Variants in GLIS3 observed in about 807,000 individuals in gnomAD.
GLIS3 encodes GLIS family zinc finger 3.
Under a neutral mutation model 78.6 loss-of-function variants are expected in GLIS3, and 53 were observed. That is an observed-to-expected ratio of 0.67 (90% CI 0.54 to 0.85). The LOEUF is 0.85. Ranked by LOEUF, GLIS3 falls within the 40% of genes least tolerant of loss-of-function variation. The probability of loss-of-function intolerance (pLI) is 0.00; values close to 1 mark genes in which losing one functional copy is unlikely to be tolerated. For missense variants in GLIS3, 1,703 were observed against 1,231.1 expected (o/e 1.38, Z -5.74); for synonymous variants, 684 against 509.9 (o/e 1.34, Z -4.60).
intron 4 of GLIS3, among the ~76,000 whole-genome samples, chr9:4,102,939 G>A (rs1211780706): frequency 6.6e-6 from 1 of 151,764 alleles, no homozygotes; most frequent in Non-Finnish European, 1.5e-5. Flanking sequence ...GTGTTGGAAA[G>A]ACAGGAGGCA....
At chr9:4,416,811 A>ATTT in the GLIS3 span, among the ~76,000 whole-genome samples, 1 of 64,546 alleles carries the variant, frequency 1.5e-5, no homozygotes, top group Admixed American at 1.8e-4. Flanking sequence ...TCCCATAGTC[A>ATTT]GTTTTTTTTT....
intron 2 of GLIS3, among the ~76,000 whole-genome samples, chr9:4,156,347 T>C (rs973483915): frequency 6.6e-6 from 1 of 152,240 alleles, no homozygotes; most frequent in African/African-American, 2.4e-5. Context: ...GATTAGCTGA[T>C]TAAACCTCAG....
At position 3,824,928 on chromosome 9, in the gene GLIS3, A is replaced by G. The variant is rs973943223; in HGVS notation, c.*3344T>C. The G allele has an allele frequency of 9.5e-6, 1 of 105,236 alleles. No individual in the cohort carries two copies. The highest frequency in any genetic ancestry group is 3.8e-4 in the South Asian group (1 of 2,646). The allele number at this position is 105,236 out of a possible 1,614,324, so 6.5% of individuals were successfully genotyped here. A position where few individuals can be genotyped will look rare whatever the true frequency, so the allele number is the denominator to read the frequency against. On this transcript the variant is annotated 3_prime_UTR_variant, in exon 11 of 11. Transcript: ENST00000381971. The stretch of plus-strand genomic sequence containing the variant: ...TTTTGCTTCATCTGTTGCAAAAAAA[A>G]AAAAAAATAATAACCGCAGAAATTC...
At chr9:3,967,945 G>C (rs1563902434) in intron 4 of GLIS3, among the ~76,000 whole-genome samples, 1 of 152,166 alleles carries the variant, frequency 6.6e-6, no homozygotes, top group Non-Finnish European at 1.5e-5. Flanking sequence ...ATAATGCTTT[G>C]TTGTTTGAAA....
intron 4 of GLIS3, among the ~76,000 whole-genome samples, chr9:4,025,689 C>G (rs1823278178): frequency 6.6e-6 from 1 of 152,018 alleles, no homozygotes; most frequent in African/African-American, 2.4e-5. Flanking sequence ...CCTGGCCTGG[C>G]CCATGTTTTA....
chr9:3,824,425 T>C lies in GLIS3; in HGVS notation c.*3847A>G, dbSNP rs186119019. 6.6e-5 allele frequency: 10 copies of C among 152,570 alleles called. No individual in the cohort carries two copies. The highest frequency in any genetic ancestry group is 1.5e-5 in the Non-Finnish European group (1 of 68,014). The allele number at this position is 152,570 out of a possible 1,614,324, so 9.5% of individuals were successfully genotyped here. A position where few individuals can be genotyped will look rare whatever the true frequency, so the allele number is the denominator to read the frequency against. ...AACAAACAAACAATGATGGTTGCCA[T>C]TGTGTTTTAAACCGACAGGCTGAAG... On this transcript the variant is annotated 3_prime_UTR_variant, in exon 11 of 11. Coordinates refer to ENST00000381971, the MANE Select transcript of GLIS3 (RefSeq NM_001042413.2).
the GLIS3 span, among the ~76,000 whole-genome samples, chr9:4,415,939 T>C: frequency 6.6e-6 from 1 of 151,880 alleles, no homozygotes; most frequent in Admixed American, 6.6e-5. Context: ...TAACCACTAT[T>C]AACAATTCTT....
chr9:3,938,321 G>A (rs1826007441), intron 4 of GLIS3, among the ~76,000 whole-genome samples: 1 of 152,144 alleles, frequency 6.6e-6, no homozygotes, highest in South Asian at 2.1e-4. Flanking sequence ...GGGGGGTGAG[G>A]GTGGGTAAGG....
At chr9:3,953,791 C>CTATATATATATATA (rs1401426160) in intron 4 of GLIS3, among the ~76,000 whole-genome samples, 1 of 48,000 alleles carries the variant, frequency 2.1e-5, no homozygotes, top group African/African-American at 7.3e-5. Flanking sequence ...CTCTCTCTCT[C>CTATATATATATATA]TCTCTATATA....
At chr9:4,205,728 G>T (rs1165002167) in intron 2 of GLIS3, among the ~76,000 whole-genome samples, 2 of 152,156 alleles carry the variant, frequency 1.3e-5, no homozygotes, top group Non-Finnish European at 2.9e-5. Context: ...CATGAGACAA[G>T]AATTCTCCAT....
chr9:4,094,769 G>C (rs1402968365), intron 4 of GLIS3, among the ~76,000 whole-genome samples: 1 of 152,142 alleles, frequency 6.6e-6, no homozygotes, highest in African/African-American at 2.4e-5. Flanking sequence ...AATGATCTTA[G>C]ATCCGATGGC....
At chr9:4,393,032 A>G in the GLIS3 span, among the ~76,000 whole-genome samples, 2 of 152,026 alleles carry the variant, frequency 1.3e-5, no homozygotes, top group Admixed American at 6.6e-5. Flanking sequence ...GATTTGATAG[A>G]AAAAAAATGA....
intron 2 of GLIS3, among the ~76,000 whole-genome samples, chr9:4,131,470 T>C (rs1262375010): frequency 6.6e-6 from 1 of 152,160 alleles, no homozygotes; most frequent in Non-Finnish European, 1.5e-5. Context: ...GGATAGAGCC[T>C]TCATGAATGG....
chr9:3,877,378 G>A (rs1355523948), intron 8 of GLIS3, among the ~76,000 whole-genome samples: 1 of 152,198 alleles, frequency 6.6e-6, no homozygotes, highest in Non-Finnish European at 1.5e-5. Context: ...TGTGGGAGGA[G>A]GCTAATGATT....
intron 2 of GLIS3, among the ~76,000 whole-genome samples, chr9:4,345,862 T>G (rs528469335): frequency 6.6e-6 from 1 of 152,300 alleles, no homozygotes. Context: ...ACGTCTTTTT[T>G]TCTTGTTGTT....
At position 4,118,709 on chromosome 9, in the gene GLIS3, C is replaced by A; in HGVS notation, c.769G>T (p.Gly257Trp). The change falls in exon 4 of 11, where the codon GGG becomes TGG. Residue 257 changes from glycine (G) to tryptophan (W), a missense_variant. Physicochemically the swap from Gly to Trp is radical, Grantham distance 184. Coordinates refer to ENST00000381971, the MANE Select transcript of GLIS3 (RefSeq NM_001042413.2). The surrounding 1 kb of genome is among the most constrained non-coding windows in gnomAD (Gnocchi z 4.7). ...ACACTATTGCTGGACATGGATGTCC[C>A]GGGAGGAAGGCTAAGGAGATCCCCT... ...DLGDLLSLPP[G>W]TSMSSNSVSN... 1 of 1,613,900 alleles carries A rather than the reference C, an allele frequency of 6.2e-7. No individual in the cohort carries two copies. Among genetic ancestry groups the A allele is most frequent in the Non-Finnish European group, 8.5e-7 (1 of 1,179,976 alleles).
At chr9:4,181,820 G>A (rs1817351060) in intron 2 of GLIS3, among the ~76,000 whole-genome samples, 3 of 152,252 alleles carry the variant, frequency 2.0e-5, no homozygotes, top group African/African-American at 4.8e-5. Flanking sequence ...GAGACTGAGG[G>A]GTCACACAGA....
chr9:4,423,365 C>T, the GLIS3 span, among the ~76,000 whole-genome samples: 1 of 152,126 alleles, frequency 6.6e-6, no homozygotes, highest in African/African-American at 2.4e-5. Context: ...CCAAGGCCTC[C>T]TGGTGGGCAC....
chr9:4,352,291 G>C (rs1182558579), upstream of GLIS3, among the ~76,000 whole-genome samples: 12 of 152,226 alleles, frequency 7.9e-5, no homozygotes, highest in Non-Finnish European at 1.8e-4. Context: ...ATATGGCTCA[G>C]GAACAAGGGA....
Sources: gnomAD v4.1 joint callset for allele counts (sites outside exome capture counted in the v4.1 genomes callset) on GRCh38, gnomAD v4.1.1 for gene constraint, Gnocchi (gnomAD v3.1) non-coding constraint, MANE v1.5 for transcripts, NCBI Gene and HGNC (gene_info 2026-07-23, HGNC 2026-07-21) for gene names.